The following RNF38 variants were observed in gnomAD, a reference collection of about 807,000 sequenced individuals.
RNF38 encodes the protein ring finger protein 38.
In RNF38, 15 loss-of-function variants were observed where a neutral mutation model predicts 67.2. That is an observed-to-expected ratio of 0.22 (90% CI 0.15 to 0.34). RNF38 has a LOEUF of 0.34. Ranked by LOEUF, RNF38 falls within the 10% of genes least tolerant of loss-of-function variation. The pLI is 1.00. For synonymous variants in RNF38, 220 were observed against 218.8 expected (o/e 1.01, Z -0.05); for missense variants, 524 against 639.9 (o/e 0.82, Z 1.95).
chr9:36,382,543 G>T (rs1836290241), intron 2 of RNF38, among the ~76,000 whole-genome samples: 1 of 152,126 alleles, frequency 6.6e-6, no homozygotes. Context: ...TATATCTTGG[G>T]TTTATATATA....
intron 2 of RNF38, among the ~76,000 whole-genome samples, chr9:36,388,615 T>TC (rs1249821180): frequency 6.6e-6 from 1 of 152,086 alleles, no homozygotes; most frequent in African/African-American, 2.4e-5. Flanking sequence ...CACACCCAAC[T>TC]CCTCATGCTT....
chr9:36,453,411 C>A (rs1271010075), intron 1 of RNF38, among the ~76,000 whole-genome samples: 2 of 147,292 alleles, frequency 1.4e-5, no homozygotes, highest in Non-Finnish European at 3.0e-5. Flanking sequence ...GAGACGGAGT[C>A]TCACTCTGTT....
intron 1 of RNF38, among the ~76,000 whole-genome samples, chr9:36,443,000 T>A (rs1413903762): frequency 6.6e-6 from 1 of 152,174 alleles, no homozygotes; most frequent in East Asian, 1.9e-4. Flanking sequence ...GCCAAGGGAA[T>A]TACACAGTGA....
At chr9:36,440,801 A>T in intron 1 of RNF38, among the ~76,000 whole-genome samples, 1 of 152,196 alleles carries the variant, frequency 6.6e-6, no homozygotes, top group South Asian at 2.1e-4. Flanking sequence ...ACCAATAACA[A>T]AAGGAAAAAA....
chr9:36,445,919 T>A (rs1447819895), intron 1 of RNF38, among the ~76,000 whole-genome samples: 2 of 152,198 alleles, frequency 1.3e-5, no homozygotes, highest in Non-Finnish European at 2.9e-5. Flanking sequence ...GATGTGGAAC[T>A]TCAGAGCCGT....
chr9:36,433,626 G>C (rs1838987023), intron 1 of RNF38, among the ~76,000 whole-genome samples: 1 of 147,640 alleles, frequency 6.8e-6, no homozygotes, highest in Non-Finnish European at 1.5e-5. Context: ...GGCGGAAGTT[G>C]TAGTAAGCTG....
At chr9:36,420,539 A>AAAAAAAAAAAAAAAAG (rs1329107507) in intron 2 of RNF38, among the ~76,000 whole-genome samples, 1 of 149,984 alleles carries the variant, frequency 6.7e-6, no homozygotes, top group South Asian at 2.1e-4. Flanking sequence ...CTCCAAAAAA[A>AAAAAAAAAAAAAAAAG]AAAAAAAAGA....
At chr9:36,398,766 C>T (rs1311479951) in intron 1 of RNF38, among the ~76,000 whole-genome samples, 2 of 152,158 alleles carry the variant, frequency 1.3e-5, no homozygotes, top group African/African-American at 4.8e-5. Flanking sequence ...AACTACCTTT[C>T]CAGCAAGATG....
chr9:36,357,570 A>C (rs901754832), intron 5 of RNF38, among the ~76,000 whole-genome samples: 1 of 152,248 alleles, frequency 6.6e-6, no homozygotes, highest in Admixed American at 6.5e-5. Flanking sequence ...AATGGTTACT[A>C]TAAGGATATT....
intron 1 of RNF38, among the ~76,000 whole-genome samples, chr9:36,482,733 CTT>C (rs1012689831): frequency 1.3e-5 from 2 of 152,176 alleles, no homozygotes; most frequent in African/African-American, 4.8e-5. Context: ...AAGCTGTGCT[CTT>C]TGGTTCAGCT....
chr9:36,433,113 A>G (rs1838972099), intron 1 of RNF38, among the ~76,000 whole-genome samples: 1 of 151,382 alleles, frequency 6.6e-6, no homozygotes. Flanking sequence ...GAAGAATGAT[A>G]GCTACCAGAG....
At chr9:36,369,331 C>T (rs1835201749) in intron 4 of RNF38, among the ~76,000 whole-genome samples, 1 of 152,134 alleles carries the variant, frequency 6.6e-6, no homozygotes, top group African/African-American at 2.4e-5. Context: ...CTCCTGAGTT[C>T]AAGTGATTCT....
At position 36,369,867 on chromosome 9, in the gene RNF38, T is replaced by C. The variant is rs888604573; in HGVS notation, c.422A>G (p.Asp141Gly). Residue 141 changes from aspartate to glycine, a missense_variant, in exon 4 of 12, where the codon GAT (aspartate) becomes GGT (glycine). By Grantham distance (94) the Asp-to-Gly change is moderately conservative. This residue lies in a region of RNF38 where 461 missense variants were observed against 517.4 expected (regional missense o/e 0.89). Transcript: ENST00000259605. ...GTAAGGGAGATGGTGATAGTTTTCATCTTGACTAATGGAATTATGTCGAGA... is the reference window on the plus strand; with the variant it reads ...GTAAGGGAGATGGTGATAGTTTTCACCTTGACTAATGGAATTATGTCGAGA... ...RLSRHNSISQ[D>G]ENYHHLPYAQ... 3.1e-6 allele frequency: 5 copies of C among 1,613,818 alleles called. No individual in the cohort carries two copies. Among genetic ancestry groups the C allele is most frequent in the Admixed American group, 1.7e-5 (1 of 60,016 alleles).
At chr9:36,340,894 C>T (rs192144076) in intron 11 of RNF38, among the ~76,000 whole-genome samples, 3 of 152,124 alleles carry the variant, frequency 2.0e-5, no homozygotes, top group African/African-American at 4.8e-5. Flanking sequence ...TTCCTACAAC[C>T]CCATTATTCA....
At position 36,349,866 on chromosome 9, in the gene RNF38, T is replaced by C. The variant is rs1256419612; in HGVS notation, c.1263+1249A>G. Among the ~76,000 whole-genome samples, 5 of 152,310 alleles carry C rather than the reference T, an allele frequency of 3.3e-5. No individual in the cohort carries two copies. In the East Asian group the frequency reaches 7.7e-4, roughly 23 times the overall value. ...CAGTTTTCCCAACATTTCTTTTTTCTTTTTCAGACAGTCTTGCTCTGTCAC... is the reference window on the plus strand; with the variant it reads ...CAGTTTTCCCAACATTTCTTTTTTCCTTTTCAGACAGTCTTGCTCTGTCAC... On this transcript the variant is annotated intron_variant, in intron 9 of 11. Transcript: ENST00000259605.
intron 1 of RNF38, among the ~76,000 whole-genome samples, chr9:36,447,448 A>T (rs1839333200): frequency 6.6e-6 from 1 of 152,218 alleles, no homozygotes; most frequent in Non-Finnish European, 1.5e-5. Flanking sequence ...AATTCAGGAG[A>T]CGAATTTCTA....
intron 6 of RNF38, among the ~76,000 whole-genome samples, chr9:36,355,574 T>C (rs1834039813): frequency 6.6e-6 from 1 of 152,154 alleles, no homozygotes; most frequent in Non-Finnish European, 1.5e-5. Flanking sequence ...TGAATACAAA[T>C]ATTATTCTAA....
exon 1 of RNF38, chr9:36,487,411 G>GGGC (rs1371468370): frequency 4.0e-5 from 39 of 981,658 alleles, no homozygotes; most frequent in Non-Finnish European, 4.7e-5. Flanking sequence ...GCTCCGGCCG[G>GGGC]GGCGGCGGCG....
chr9:36,409,236 TGGAA>T, intron 2 of RNF38, among the ~76,000 whole-genome samples: 2 of 95,866 alleles, frequency 2.1e-5, no homozygotes, highest in South Asian at 3.0e-4. Flanking sequence ...GAAGGAAGGA[TGGAA>T]GGAAAGAAGG....
Sources: gnomAD v4.1 joint callset for allele counts (sites outside exome capture counted in the v4.1 genomes callset) on GRCh38, gnomAD v4.1.1 for gene constraint, gnomAD v4.1.1 regional missense constraint, MANE v1.5 for transcripts, NCBI Gene and HGNC (gene_info 2026-07-23, HGNC 2026-07-21) for gene names.